The following CASZ1 variants were observed in gnomAD, a reference collection of about 807,000 sequenced individuals.
CASZ1 encodes zinc finger protein castor homolog 1.
Under a neutral mutation model 135.2 loss-of-function variants are expected in CASZ1, and 28 were observed. The observed-to-expected ratio is 0.21, with a 90% CI of 0.15 to 0.28. The LOEUF (loss-of-function observed/expected upper bound fraction) is 0.28. Ranked by LOEUF, CASZ1 falls within the 10% of genes least tolerant of loss-of-function variation. The probability of loss-of-function intolerance (pLI) is 1.00; values close to 1 mark genes in which losing one functional copy is unlikely to be tolerated. For missense variants in CASZ1, 2,161 were observed against 2,453.3 expected, an observed-to-expected ratio of 0.88 and a Z score of 2.52; for synonymous variants, 1,068 against 1,073.4, an observed-to-expected ratio of 0.99 and a Z score of 0.10.
chr1:10,674,230 C>A (rs2100332241), intron 4 of CASZ1, among the ~76,000 whole-genome samples: 1 of 152,390 alleles, frequency 6.6e-6, no homozygotes, highest in African/African-American at 2.4e-5. Flanking sequence ...GAGCCCCTGA[C>A]TTCCCCGGAG....
intron 2 of CASZ1, among the ~76,000 whole-genome samples, chr1:10,733,856 T>C (rs1639746361): frequency 6.6e-6 from 1 of 152,160 alleles, no homozygotes; most frequent in Non-Finnish European, 1.5e-5. Context: ...AGAGGTGATA[T>C]TGGCACCTGC....
intron 4 of CASZ1, among the ~76,000 whole-genome samples, chr1:10,669,601 C>T (rs1301191049): frequency 3.3e-5 from 5 of 152,218 alleles, no homozygotes; most frequent in Non-Finnish European, 7.4e-5. Context: ...GTAGCTGCAC[C>T]GCATCCCCAG....
In CASZ1 at chr1:10,709,716, C is replaced by T. The variant is rs2100454343; in HGVS notation, c.-76-4172G>A. ...CGGCTGGGGAGAGAAAGGCCCCAGG[C>T]AGGGGCTGAGCAGTGCCCCGGGCAG... On this transcript the variant is annotated intron_variant, in intron 2 of 20. Coordinates refer to ENST00000377022, the MANE Select transcript of CASZ1 (RefSeq NM_001079843.3). The surrounding 1 kb of genome is among the most constrained non-coding windows in gnomAD (Gnocchi z 5.1). Among the ~76,000 whole-genome samples the T allele has an allele frequency of 6.6e-6, 1 of 152,250 alleles. No homozygotes were observed. Among genetic ancestry groups the T allele is most frequent in the East Asian group, 1.9e-4 (1 of 5,160 alleles).
At chr1:10,703,314 A>G (rs1462669622) in intron 3 of CASZ1, among the ~76,000 whole-genome samples, 1 of 152,104 alleles carries the variant, frequency 6.6e-6, no homozygotes, top group Non-Finnish European at 1.5e-5. Context: ...TCCTAGACAG[A>G]GCCAGCACCC....
intron 4 of CASZ1, among the ~76,000 whole-genome samples, chr1:10,672,818 G>A (rs1268197145): frequency 6.6e-6 from 1 of 152,246 alleles, no homozygotes; most frequent in Non-Finnish European, 1.5e-5. Context: ...ACGCCTGCGA[G>A]AGACACACTC....
rs573471263 is a variant in CASZ1, at chr1:10,672,746, A to G, written c.17-7175T>C. Among the ~76,000 whole-genome samples, 3 of 152,316 alleles carry G rather than the reference A, an allele frequency of 2.0e-5. No homozygotes were observed. In the East Asian group the frequency reaches 5.8e-4, roughly 29 times the overall value. On this transcript the variant is annotated intron_variant, in intron 4 of 20. Transcript: ENST00000377022. ...GTCGGCAGCTGCGCTGGGGAAACAA[A>G]TCAATGAAAAACCATCATAAAACTC... is the stretch of plus-strand genomic sequence containing the variant.
At chr1:10,742,002 C>T (rs992827104) in intron 2 of CASZ1, among the ~76,000 whole-genome samples, 5 of 152,080 alleles carry the variant, frequency 3.3e-5, no homozygotes, top group African/African-American at 1.2e-4. Context: ...TGCCCCCAGC[C>T]GCAACCCCAC....
intron 1 of CASZ1, among the ~76,000 whole-genome samples, chr1:10,764,668 T>A (rs1003324135): frequency 6.6e-6 from 1 of 152,162 alleles, no homozygotes; most frequent in African/African-American, 2.4e-5. Flanking sequence ...CCTGCTCCCC[T>A]CCCTGTGATC....
chr1:10,753,740 A>C (rs1189607815), intron 2 of CASZ1, among the ~76,000 whole-genome samples: 2 of 152,196 alleles, frequency 1.3e-5, no homozygotes. Flanking sequence ...GCCCGCTCCC[A>C]GATGAAACAT....
intron 20 of CASZ1, among the ~76,000 whole-genome samples, chr1:10,641,166 GGAGA>G (rs1442930690): frequency 6.6e-6 from 1 of 152,368 alleles, no homozygotes; most frequent in East Asian, 1.9e-4. Flanking sequence ...GGACAAAAAC[GGAGA>G]GAGACTAAGG....
Position 10,767,929 on chromosome 1 carries a change from C to A in CASZ1, c.-233-7072G>T, listed in dbSNP as rs1368432194. On this transcript the variant is annotated intron_variant, in intron 1 of 20. Coordinates refer to ENST00000377022, the MANE Select transcript of CASZ1 (RefSeq NM_001079843.3). The surrounding 1 kb of genome is among the most constrained non-coding windows in gnomAD (Gnocchi z 4.2). Reference sequence around the variant, plus strand: ...TCCAACCCTAGTCACAGGAGGGTCACCCACCATTGCAAGGTCTTCCTGGAG... The same window carrying A: ...TCCAACCCTAGTCACAGGAGGGTCAACCACCATTGCAAGGTCTTCCTGGAG... Among the ~76,000 whole-genome samples, 1 of 152,186 alleles carries A rather than the reference C, an allele frequency of 6.6e-6. No individual in the cohort carries two copies. The highest frequency in any genetic ancestry group is 1.5e-5 in the Non-Finnish European group (1 of 68,024).
chr1:10,698,676 G>T (rs984008249), intron 3 of CASZ1, among the ~76,000 whole-genome samples: 1 of 152,158 alleles, frequency 6.6e-6, no homozygotes, highest in Admixed American at 6.5e-5. Flanking sequence ...TGAAGCCAAG[G>T]GGCCAAGGAG....
rs1639431745 is a variant in CASZ1 at position 10,718,288 on chromosome 1, C to A, written c.-76-12744G>T. ...TCCTGTGTCCCCGTGCCCACTCCCA[C>A]CTCCTCGGCCCTGACTCGGCAGCCC... On this transcript the variant is annotated intron_variant, in intron 2 of 20. Transcript: ENST00000377022. 3.9e-5 allele frequency among the ~76,000 whole-genome samples: 6 copies of A among 152,270 alleles called. No homozygotes were observed. The South Asian group carries it at 1.2e-3, about 31-fold the overall frequency.
rs1639574183 is a variant in CASZ1 at position 10,725,145 on chromosome 1, AG to A, written c.-76-19602del. Among the ~76,000 whole-genome samples the A allele has an allele frequency of 6.6e-6, 1 of 152,146 alleles. No individual in the cohort carries two copies. The highest frequency in any genetic ancestry group is 2.4e-5 in the African/African-American group (1 of 41,436). Reference sequence around the variant, plus strand: ...TGGGGGTAGGATTCCCTAGTTGGCCAGGGAGCCCTGGATGGATACGGCGAGA... The same window carrying A: ...TGGGGGTAGGATTCCCTAGTTGGCCAGGAGCCCTGGATGGATACGGCGAGA... On this transcript the variant is annotated intron_variant, in intron 2 of 20. Transcript: ENST00000377022. The surrounding 1 kb of genome is among the most constrained non-coding windows in gnomAD (Gnocchi z 4.4).
rs769507455 is a variant in CASZ1 at position 10,639,215 on chromosome 1, T to TGCGGCGGCG, written c.4998_5006dup (p.Ala1668_Ala1670dup). The TGCGGCGGCG allele has an allele frequency of 6.7e-6, 6 of 899,198 alleles. No individual in the cohort carries two copies. The highest frequency in any genetic ancestry group is 1.1e-4 in the East Asian group (1 of 8,702). 55.7% of individuals were successfully genotyped at this position (899,198 alleles called of 1,614,324 possible). A position where few individuals can be genotyped will look rare whatever the true frequency, so the allele number is the denominator to read the frequency against. On this transcript the variant is annotated inframe_insertion, in exon 21 of 21. Coordinates refer to ENST00000377022, the MANE Select transcript of CASZ1 (RefSeq NM_001079843.3). This position sits in a 1 kb window ranked among gnomAD's most constrained non-coding sequence, Gnocchi z 4.0. ...CGTCCTCCTGCGAGGACTCCCCAGC[T>TGCGGCGGCG]GCGGCGGCGGCGGCGGCGGCGCCCT...
At chr1:10,642,651 C>T (rs2124667679) in intron 20 of CASZ1, among the ~76,000 whole-genome samples, 1 of 152,188 alleles carries the variant, frequency 6.6e-6, no homozygotes. Flanking sequence ...CTCCCGGAAA[C>T]TGACGCAAAG....
At chr1:10,668,839 G>A (rs950814166) in intron 4 of CASZ1, among the ~76,000 whole-genome samples, 50 of 152,250 alleles carry the variant, frequency 3.3e-4, no homozygotes, top group Admixed American at 9.2e-4. Context: ...GGAAAAAGCA[G>A]CTGAGCCCTG....
chr1:10,642,827 G>A (rs1240626136), intron 20 of CASZ1, 32 bp downstream of exon 20: 7 of 1,607,182 alleles, frequency 4.4e-6, no homozygotes, highest in Non-Finnish European at 5.9e-6. Flanking sequence ...AGTGGGGCCT[G>A]GCCCTGCCAG....
chr1:10,678,894 T>C (rs539601503), intron 4 of CASZ1, among the ~76,000 whole-genome samples: 4 of 152,320 alleles, frequency 2.6e-5, no homozygotes, highest in African/African-American at 9.6e-5. Context: ...AAATTAGAGA[T>C]GGTTGAGCTC....
Sources: gnomAD v4.1 joint callset for allele counts (sites outside exome capture counted in the v4.1 genomes callset) on GRCh38, gnomAD v4.1.1 for gene constraint, Gnocchi (gnomAD v3.1) non-coding constraint, MANE v1.5 for transcripts, NCBI Gene and HGNC (gene_info 2026-07-23, HGNC 2026-07-21) for gene names.